SLIT3: variants seen among roughly 807,000 people sequenced by gnomAD.
SLIT3 encodes the protein slit homolog 3 protein.
A neutral mutation model predicts 184.0 loss-of-function variants in SLIT3; 68 were observed. The ratio of observed to expected loss-of-function variants is 0.37; its 90% CI spans 0.30 to 0.45. SLIT3 has a LOEUF of 0.45. SLIT3 is among the 20% of genes least tolerant of loss of function. SLIT3 has a pLI of 1.00. For synonymous variants in SLIT3, 831 were observed against 828.6 expected (o/e 1.00, Z -0.05); for missense variants, 1,707 against 2,026.0 (o/e 0.84, Z 3.02).
At chr5:169,138,199 C>A (rs1761592377) in intron 4 of SLIT3, among the ~76,000 whole-genome samples, 1 of 152,206 alleles carries the variant, frequency 6.6e-6, no homozygotes, top group Admixed American at 6.5e-5. Flanking sequence ...CTGCTAACAG[C>A]TCAATATAGC....
chr5:169,104,842 A>G (rs1001823915), intron 4 of SLIT3, among the ~76,000 whole-genome samples: 1 of 152,248 alleles, frequency 6.6e-6, no homozygotes, highest in African/African-American at 2.4e-5. Context: ...ACAGAGATTT[A>G]TCAGTTTTTA....
chr5:169,281,254 G>A (rs1353202734), intron 1 of SLIT3, among the ~76,000 whole-genome samples: 4 of 152,212 alleles, frequency 2.6e-5, no homozygotes. Context: ...CAAGGTGGGC[G>A]GATCATGAGG....
At chr5:168,846,671 T>C (rs1758484408) in intron 5 of SLIT3, among the ~76,000 whole-genome samples, 1 of 152,202 alleles carries the variant, frequency 6.6e-6, no homozygotes, top group Non-Finnish European at 1.5e-5. Context: ...ATCTAAATCA[T>C]CACATTGGGA....
chr5:168,966,937 TTTTA>T (rs1206333824), intron 4 of SLIT3, among the ~76,000 whole-genome samples: 2 of 152,168 alleles, frequency 1.3e-5, no homozygotes, highest in Non-Finnish European at 2.9e-5. Flanking sequence ...GCACATAACT[TTTTA>T]TTTAAGAGCT....
At chr5:168,981,586 A>G (rs987538653) in intron 4 of SLIT3, among the ~76,000 whole-genome samples, 1 of 152,160 alleles carries the variant, frequency 6.6e-6, no homozygotes, top group Non-Finnish European at 1.5e-5. Flanking sequence ...CCTGACTTCC[A>G]TTATTGTAGA....
intron 3 of SLIT3, among the ~76,000 whole-genome samples, chr5:169,219,943 T>A (rs1764567102): frequency 2.0e-5 from 3 of 152,318 alleles, no homozygotes; most frequent in South Asian, 4.2e-4. Flanking sequence ...GAGACACAGA[T>A]GCAGAATCAG....
chr5:169,231,166 T>A (rs1339193749), intron 3 of SLIT3, among the ~76,000 whole-genome samples: 8 of 152,228 alleles, frequency 5.3e-5, no homozygotes, highest in African/African-American at 1.9e-4. Context: ...GAGCCATGCA[T>A]GAAATTTGGT....
chr5:168,945,628 T>G (rs1455550963), intron 4 of SLIT3, among the ~76,000 whole-genome samples: 2 of 152,232 alleles, frequency 1.3e-5, no homozygotes, highest in Non-Finnish European at 2.9e-5. Context: ...CCTCTCCACA[T>G]GCTATACTTT....
At chr5:168,843,436 G>A (rs183283084) in intron 6 of SLIT3, among the ~76,000 whole-genome samples, 1 of 152,212 alleles carries the variant, frequency 6.6e-6, no homozygotes, top group Admixed American at 6.5e-5. Context: ...TTTATTTTTA[G>A]GAGGAGGCTT....
intron 4 of SLIT3, among the ~76,000 whole-genome samples, chr5:169,000,437 C>T (rs1314188485): frequency 1.5e-5 from 2 of 133,092 alleles, no homozygotes; most frequent in South Asian, 2.5e-4. Flanking sequence ...AGGATATTAA[C>T]GTAATCTTTT....
intron 4 of SLIT3, among the ~76,000 whole-genome samples, chr5:168,936,820 A>G (rs1178267085): frequency 6.6e-6 from 1 of 152,076 alleles, no homozygotes; most frequent in African/African-American, 2.4e-5. Context: ...ATATATACTT[A>G]TTGAGCACCT....
At chr5:169,125,959 G>C (rs1264915334) in intron 4 of SLIT3, among the ~76,000 whole-genome samples, 1 of 152,088 alleles carries the variant, frequency 6.6e-6, no homozygotes, top group Non-Finnish European at 1.5e-5. Flanking sequence ...ACCTCAACTA[G>C]GGCCCTAGAG....
At chr5:168,812,504 A>T (rs76588884) in intron 8 of SLIT3, among the ~76,000 whole-genome samples, 1,664 of 152,362 alleles carry the variant, frequency 0.011, 20 homozygotes, top group Non-Finnish European at 0.017. Context: ...AAATAAAAAA[A>T]TTTACAGAAT....
chr5:169,228,061 A>G (rs1764871656), intron 3 of SLIT3, among the ~76,000 whole-genome samples: 1 of 152,222 alleles, frequency 6.6e-6, no homozygotes. Flanking sequence ...AGAAATGACT[A>G]TGATGGCCCT....
At chr5:168,736,230 C>T (rs11742102) in intron 20 of SLIT3, among the ~76,000 whole-genome samples, 26,030 of 152,208 alleles carry the variant, frequency 0.17, 2,532 homozygotes, top group Non-Finnish European at 0.22. Flanking sequence ...CAGCTCTCGG[C>T]CTGTGCTCAG....
intron 4 of SLIT3, among the ~76,000 whole-genome samples, chr5:169,102,880 G>A (rs1760070248): frequency 6.6e-6 from 1 of 152,212 alleles, no homozygotes; most frequent in Non-Finnish European, 1.5e-5. Flanking sequence ...CTGTAGCTGA[G>A]TTGAGCTGAC....
intron 4 of SLIT3, among the ~76,000 whole-genome samples, chr5:168,932,739 G>T (rs551690484): frequency 6.6e-6 from 1 of 152,174 alleles, no homozygotes; most frequent in African/African-American, 2.4e-5. Context: ...TCTGTAAAAC[G>T]GGAATGCCTG....
chr5:169,123,916 T>A (rs1362099450), intron 4 of SLIT3, among the ~76,000 whole-genome samples: 1 of 152,134 alleles, frequency 6.6e-6, no homozygotes, highest in African/African-American at 2.4e-5. Flanking sequence ...ATGAGAAAGT[T>A]AGCCAAAGTT....
intron 4 of SLIT3, among the ~76,000 whole-genome samples, chr5:168,929,094 T>C (rs1426451739): frequency 6.6e-6 from 1 of 152,190 alleles, no homozygotes; most frequent in Non-Finnish European, 1.5e-5. Flanking sequence ...ACAACAACCC[T>C]GAATTAGGCA....
Sources: allele counts gnomAD v4.1 joint callset (sites outside exome capture counted in the v4.1 genomes callset), GRCh38; gene constraint gnomAD v4.1.1; transcripts MANE v1.5; gene names NCBI Gene and HGNC (gene_info 2026-07-23, HGNC 2026-07-21).